The following FUT1 variants were observed in gnomAD, a reference collection of about 807,000 sequenced individuals.
FUT1 encodes fucosyltransferase 1 (H blood group).
For synonymous variants in FUT1, 215 were observed against 208.7 expected (o/e 1.03, Z -0.26); for missense variants, 476 against 492.7 (o/e 0.97, Z 0.32).
In FUT1 at chr19:48,752,607, C is replaced by T; in HGVS notation, c.-120G>A. 3 of 985,474 alleles carry T rather than the reference C, an allele frequency of 3.0e-6. No homozygotes were observed. Among genetic ancestry groups the T allele is most frequent in the Non-Finnish European group, 3.6e-6 (3 of 829,934 alleles). The allele number at this position is 985,474 out of a possible 1,614,324, so 61.0% of individuals were successfully genotyped here. On this transcript the variant is annotated 5_prime_UTR_variant, in exon 1 of 2. Transcript: ENST00000645652. This position sits in a 1 kb window ranked among gnomAD's most constrained non-coding sequence, Gnocchi z 4.3. ...ACGCCAGGCGTCCGGCTATCCGGCC[C>T]GGCAGCCCTCCCCTCCGCGCAGCCT...
At position 48,751,988 on chromosome 19, in the gene FUT1, C is replaced by T. The variant is rs548956464; in HGVS notation, c.-3+502G>A. On this transcript the variant is annotated intron_variant, in intron 1 of 1. Transcript: ENST00000645652. The stretch of plus-strand genomic sequence containing the variant: ...AAATAAAATTAGCTTGGCATGGTGG[C>T]ACATGTCTGTGGTCTCAGCTACACC... Among the ~76,000 whole-genome samples the T allele has an allele frequency of 2.0e-5, 3 of 151,818 alleles. No homozygotes were observed. In the South Asian group the frequency reaches 6.2e-4, roughly 32 times the overall value.
At position 48,750,189 on chromosome 19, in the gene FUT1, G is replaced by C; in HGVS notation, c.1093C>G (p.Pro365Ala). Residue 365 changes from proline to alanine, a missense_variant, in exon 2 of 2, where the codon CCT becomes GCT. Pro to Ala is a conservative substitution (Grantham distance 27). Coordinates refer to ENST00000645652, the MANE Select transcript of FUT1 (RefSeq NM_001384359.1). ...TCAGAAAGTCTCCCTGGCTCTCAAG[G>C]CTTAGCCAATGTCCAGAGTGGAGAC... ...DLSPLWTLAK[P>A] 1 of 1,608,762 alleles carries C rather than the reference G, an allele frequency of 6.2e-7. No homozygotes were observed. The highest frequency in any genetic ancestry group is 8.5e-7 in the Non-Finnish European group (1 of 1,177,662).
chr19:48,749,812 C>G lies in FUT1; in HGVS notation c.*372G>C. 3.2e-6 allele frequency: 1 copy of G among 312,382 alleles called. No individual in the cohort carries two copies. The highest frequency in any genetic ancestry group is 3.2e-5 in the South Asian group (1 of 31,164). 19.4% of individuals were successfully genotyped at this position (312,382 alleles called of 1,614,324 possible). A position where few individuals can be genotyped will look rare whatever the true frequency, so the allele number is the denominator to read the frequency against. On this transcript the variant is annotated 3_prime_UTR_variant, in exon 2 of 2. Transcript: ENST00000645652. ...ATGCTTGCTCTGGAGCAATCATATG[C>G]TCCTTCAGTCTTTGGAGGACCCAGG... is the stretch of plus-strand genomic sequence containing the variant.
At chr19:48,754,017 T>C (rs1034089507), upstream of FUT1, among the ~76,000 whole-genome samples, 2 of 151,984 alleles carry the variant, frequency 1.3e-5, no homozygotes, top group African/African-American at 4.8e-5. Flanking sequence ...ACCCTGTCTC[T>C]ACTAAAAATA....
At position 48,749,931 on chromosome 19, in the gene FUT1, G is replaced by C; in HGVS notation, c.*253C>G. 1 of 541,744 alleles carries C rather than the reference G, an allele frequency of 1.8e-6. No homozygotes were observed. Among genetic ancestry groups the C allele is most frequent in the Non-Finnish European group, 3.3e-6 (1 of 301,826 alleles). 33.6% of individuals were successfully genotyped at this position (541,744 alleles called of 1,614,324 possible). On this transcript the variant is annotated 3_prime_UTR_variant, in exon 2 of 2. Coordinates refer to ENST00000645652, the MANE Select transcript of FUT1 (RefSeq NM_001384359.1). Reference sequence around the variant, plus strand: ...AAGTACTGTAGATATGGGCTGGGAAGAGCAGGTGGGCACTGTGGCTTCTAG... The same window carrying C: ...AAGTACTGTAGATATGGGCTGGGAACAGCAGGTGGGCACTGTGGCTTCTAG...
chr19:48,749,547 G>A lies in FUT1; in HGVS notation c.*637C>T, dbSNP rs1368978137. 6.7e-6 allele frequency: 1 copy of A among 149,766 alleles called. No homozygotes were observed. Among genetic ancestry groups the A allele is most frequent in the African/African-American group, 2.5e-5 (1 of 40,150 alleles). 9.3% of individuals were successfully genotyped at this position (149,766 alleles called of 1,614,324 possible). A position where few individuals can be genotyped will look rare whatever the true frequency, so the allele number is the denominator to read the frequency against. On this transcript the variant is annotated 3_prime_UTR_variant, in exon 2 of 2. Transcript: ENST00000645652. Reference sequence around the variant, plus strand: ...GAGAATCGCTTGAACACAGGAGGCGGAAGTTGCAGTGAGCCAAGATCACGC... The same window carrying A: ...GAGAATCGCTTGAACACAGGAGGCGAAAGTTGCAGTGAGCCAAGATCACGC...
rs2033948939 is a variant in FUT1, at chr19:48,748,941, C to A, written c.*1243G>T. The A allele has an allele frequency of 6.6e-6, 1 of 152,644 alleles. No individual in the cohort carries two copies. The highest frequency in any genetic ancestry group is 1.9e-4 in the South Asian group (1 of 5,274). 9.5% of individuals were successfully genotyped at this position (152,644 alleles called of 1,614,324 possible). ...CCAAGGTGGGAGGACTGCTTGAGCC[C>A]AGGAGTTGAAGAACAGCCTGGGCAA... On this transcript the variant is annotated 3_prime_UTR_variant, in exon 2 of 2. Coordinates refer to ENST00000645652, the MANE Select transcript of FUT1 (RefSeq NM_001384359.1).
chr19:48,752,670 G>A, upstream of FUT1: 1 of 985,424 alleles, frequency 1.0e-6, no homozygotes, highest in Non-Finnish European at 1.2e-6. The surrounding 1 kb of genome is among the most constrained non-coding windows in gnomAD (Gnocchi z 4.3). Flanking sequence ...AGGAGAGGAA[G>A]GAGAGGGCGC....
In FUT1 at chr19:48,750,230, C is replaced by G; in HGVS notation, c.1052G>C (p.Gly351Ala). ...PEAAFLPEWV[G>A]INADLSPLWT... ...GAGTGGAGACAAGTCTGCATTAATG[C>G]CCACCCACTCGGGCAGGAAGGCCGC... Residue 351 changes from glycine (G) to alanine (A), a missense_variant, in exon 2 of 2, where the codon GGC (glycine) becomes GCC (alanine). Transcript: ENST00000645652. 2 of 1,612,264 alleles carry G rather than the reference C, an allele frequency of 1.2e-6. No individual in the cohort carries two copies. The highest frequency in any genetic ancestry group is 1.7e-6 in the Non-Finnish European group (2 of 1,179,168).
Position 48,751,249 on chromosome 19 carries a change from C to T in FUT1, c.33G>A (p.Leu11=), listed in dbSNP as rs2033998922. The change falls in exon 2 of 2, where the codon CTG becomes CTA. Residue 11 remains leucine (L), a synonymous_variant. Coordinates refer to ENST00000645652, the MANE Select transcript of FUT1 (RefSeq NM_001384359.1). MWLRSHRQLC[L]AFLLVCVLSV... is the part of the protein sequence containing the mutation. ...AGAGGACACAGACTAGCAGGAAGGC[C>T]AGGCAGAGCTGACGATGGCTCCGGA... 6.2e-7 allele frequency: 1 copy of T among 1,614,126 alleles called. No individual in the cohort carries two copies. The highest frequency in any genetic ancestry group is 8.5e-7 in the Non-Finnish European group (1 of 1,180,022).
rs746751904 is a variant in FUT1, at chr19:48,751,109, G to T, written c.173C>A (p.Pro58Gln). Residue 58 changes from proline (P) to glutamine (Q), a missense_variant, in exon 2 of 2, where the codon CCG becomes CAG. Coordinates refer to ENST00000645652, the MANE Select transcript of FUT1 (RefSeq NM_001384359.1). ...VTPPVAIFCLPGTAMGPNASS... is the reference protein window; with the variant it reads ...VTPPVAIFCLQGTAMGPNASS... ...GGCGTTGGGGCCCATCGCAGTACCC[G>T]GCAGGCAGAAGATGGCCACTGGGGG... The T allele has an allele frequency of 1.9e-6, 3 of 1,613,258 alleles. No individual in the cohort carries two copies. The highest frequency in any genetic ancestry group is 3.3e-5 in the Admixed American group (2 of 59,986).
Position 48,752,412 on chromosome 19 carries a change from G to T in FUT1, c.-3+78C>A. 1 of 897,596 alleles carries T rather than the reference G, an allele frequency of 1.1e-6. No homozygotes were observed. Among genetic ancestry groups the T allele is most frequent in the Non-Finnish European group, 1.3e-6 (1 of 749,652 alleles). 55.6% of individuals were successfully genotyped at this position (897,596 alleles called of 1,614,324 possible). A position where few individuals can be genotyped will look rare whatever the true frequency, so the allele number is the denominator to read the frequency against. Reference sequence around the variant, plus strand: ...GGCCTTAGGAAGACCTGGAGAAGAGGTTGGGGGTGCACCTCCTGGTTCTGA... The same window carrying T: ...GGCCTTAGGAAGACCTGGAGAAGAGTTTGGGGGTGCACCTCCTGGTTCTGA... On this transcript the variant is annotated intron_variant, in intron 1 of 1. Coordinates refer to ENST00000645652, the MANE Select transcript of FUT1 (RefSeq NM_001384359.1). This position sits in a 1 kb window ranked among gnomAD's most constrained non-coding sequence, Gnocchi z 4.3.
Position 48,751,134 on chromosome 19 carries a change from G to C in FUT1, c.148C>G (p.Pro50Ala). 1 of 1,613,896 alleles carries C rather than the reference G, an allele frequency of 6.2e-7. No individual in the cohort carries two copies. The highest frequency in any genetic ancestry group is 8.5e-7 in the Non-Finnish European group (1 of 1,179,842). Residue 50 changes from proline (P) to alanine (A), a missense_variant, in exon 2 of 2, where the codon CCC (proline) becomes GCC (alanine). By Grantham distance (27) the Pro-to-Ala change is conservative. Coordinates refer to ENST00000645652, the MANE Select transcript of FUT1 (RefSeq NM_001384359.1). ...GGCAGGCAGAAGATGGCCACTGGGG[G>C]TGTCACCAGGCGGCGGTCTGGACAC... ...ILCPDRRLVT[P>A]PVAIFCLPGT...
At chr19:48,753,448 A>G (rs1568491795), upstream of FUT1, 1 of 152,242 alleles carries the variant, frequency 6.6e-6, no homozygotes, top group African/African-American at 2.4e-5. Flanking sequence ...CCCGCTTGTC[A>G]CCTAATTAAA....
chr19:48,750,433 G>T lies in FUT1; in HGVS notation c.849C>A (p.Gly283=). Residue 283 remains glycine, a synonymous_variant, in exon 2 of 2, where the codon GGC becomes GGA. Transcript: ENST00000645652. ...DTSQGDVTFA[G]DGQEATPWKD... ...TCCACGGTGTAGCCTCCTGTCCATC[G>T]CCAGCAAACGTCACATCGCCCTGGG... 6.2e-7 allele frequency: 1 copy of T among 1,614,214 alleles called. No homozygotes were observed. Among genetic ancestry groups the T allele is most frequent in the Non-Finnish European group, 8.5e-7 (1 of 1,180,032 alleles).
At position 48,750,737 on chromosome 19, in the gene FUT1, C is replaced by T. The variant is rs1284994775; in HGVS notation, c.545G>A (p.Arg182His). The change falls in exon 2 of 2, where the codon CGC becomes CAC. Residue 182 changes from arginine to histidine, a missense_variant. Transcript: ENST00000645652. ...TFFHHLREQIRREFTLHDHLR... is the reference protein window; with the variant it reads ...TFFHHLREQIHREFTLHDHLR... ...GTGGTCGTGCAGGGTGAACTCTCTG[C>T]GGATCTGTTCCCGGAGATGGTGGAA... is the stretch of plus-strand genomic sequence containing the variant. The T allele has an allele frequency of 1.1e-5, 18 of 1,613,612 alleles. No individual in the cohort carries two copies. In the East Asian group the frequency reaches 1.6e-4, roughly 14 times the overall value.
Position 48,750,974 on chromosome 19 carries a change from G to T in FUT1, c.308C>A (p.Ala103Asp). Reference protein sequence around the residue: ...MGQYATLLALAQLNGRRAFIL... With the variant: ...MGQYATLLALDQLNGRRAFIL... ...AAAGGCCCGGCGGCCGTTGAGCTGG[G>T]CCAGAGCCAGCAGCGTGGCATACTG... The change falls in exon 2 of 2, where the codon GCC becomes GAC. Residue 103 changes from alanine to aspartate, a missense_variant. Transcript: ENST00000645652. The T allele has an allele frequency of 1.2e-6, 2 of 1,600,170 alleles. No homozygotes were observed. The highest frequency in any genetic ancestry group is 1.7e-6 in the Non-Finnish European group (2 of 1,171,980).
At position 48,752,129 on chromosome 19, in the gene FUT1, A is replaced by G. The variant is rs796325324; in HGVS notation, c.-3+361T>C. 8.9e-4 allele frequency among the ~76,000 whole-genome samples: 135 copies of G among 150,900 alleles called. 1 individual carries two copies. The highest frequency in any genetic ancestry group is 3.1e-3 in the African/African-American group (127 of 40,980). On this transcript the variant is annotated intron_variant, in intron 1 of 1. Transcript: ENST00000645652. The surrounding 1 kb of genome is among the most constrained non-coding windows in gnomAD (Gnocchi z 4.3). ...TGTCTTAAAAAAAAAAAAAAAAAAAAAAAAAGAAAGTGGTCCAGGTTCCTA... is the reference window on the plus strand; with the variant it reads ...TGTCTTAAAAAAAAAAAAAAAAAAAGAAAAAGAAAGTGGTCCAGGTTCCTA...
Position 48,750,348 on chromosome 19 carries a change from A to G in FUT1, c.934T>C (p.Phe312Leu). 6.2e-7 allele frequency: 1 copy of G among 1,614,234 alleles called. No individual in the cohort carries two copies. Among genetic ancestry groups the G allele is most frequent in the African/African-American group, 1.3e-5 (1 of 75,070 alleles). The change falls in exon 2 of 2, where the codon TTC becomes CTC. Residue 312 changes from phenylalanine to leucine, a missense_variant. Transcript: ENST00000645652. ...CCGCCAGCCAGGTAGGCAGCCCAGA[A>G]GCCGAAGGTGCCAATGGTCATAATG... ...HTIMTIGTFG[F>L]WAAYLAGGDT...
Sources: gnomAD v4.1 joint callset for allele counts (sites outside exome capture counted in the v4.1 genomes callset) on GRCh38, gnomAD v4.1.1 for gene constraint, Gnocchi (gnomAD v3.1) non-coding constraint, MANE v1.5 for transcripts, NCBI Gene and HGNC (gene_info 2026-07-23, HGNC 2026-07-21) for gene names.